The following XPOT variants were observed in gnomAD, a reference collection of about 807,000 sequenced individuals.
XPOT encodes exportin for tRNA.
In XPOT, 34 loss-of-function variants were observed where a neutral mutation model predicts 128.2. The ratio of observed to expected loss-of-function variants is 0.27; its 90% CI spans 0.20 to 0.35. XPOT has a LOEUF of 0.35. XPOT is among the 10% of genes least tolerant of loss of function. XPOT has a pLI of 1.00. For synonymous variants in XPOT, 348 were observed against 394.3 expected, an observed-to-expected ratio of 0.88 and a Z score of 1.39; for missense variants, 838 against 1,125.3, an observed-to-expected ratio of 0.74 and a Z score of 3.65.
In XPOT at chr12:64,420,235, T is replaced by A. The variant is rs750345516; in HGVS notation, c.655T>A (p.Ser219Thr). ...VGAYVSWIDL[S>T]LIANDRFINM... Reference sequence around the variant, plus strand: ...GGCTTATGTCTCTTGGATAGACTTATCCCTTATAGCCAATGATAGGTAAGT... The same window carrying A: ...GGCTTATGTCTCTTGGATAGACTTAACCCTTATAGCCAATGATAGGTAAGT... Residue 219 changes from serine (S) to threonine (T), a missense_variant, in exon 7 of 25, where the codon TCC becomes ACC. This residue lies in a region of XPOT where 761 missense variants were observed against 988.3 expected (regional missense o/e 0.77). Transcript: ENST00000332707. 1.0e-5 allele frequency: 16 copies of A among 1,602,240 alleles called. No individual in the cohort carries two copies. The East Asian group carries it at 3.6e-4, about 36-fold the overall frequency.
At chr12:64,445,984 C>T (rs2040364255) in intron 24 of XPOT, among the ~76,000 whole-genome samples, 1 of 152,202 alleles carries the variant, frequency 6.6e-6, no homozygotes, top group African/African-American at 2.4e-5. Flanking sequence ...GTTCTAACAT[C>T]TTCCCTTGTC....
chr12:64,421,343 G>T lies in XPOT; in HGVS notation c.952G>T (p.Ala318Ser), dbSNP rs2040136683. The T allele has an allele frequency of 6.2e-7, 1 of 1,613,852 alleles. No homozygotes were observed. Residue 318 changes from alanine (A) to serine (S), a missense_variant, in exon 9 of 25, where the codon GCT (alanine) becomes TCT (serine). Coordinates refer to ENST00000332707, the MANE Select transcript of XPOT (RefSeq NM_007235.6). ...KLIKNGDIKNAQEALQAIETK... is the reference protein window; with the variant it reads ...KLIKNGDIKNSQEALQAIETK... The stretch of plus-strand genomic sequence containing the variant: ...AATTAAGAATGGGGATATTAAGAAT[G>T]CTCAAGAGGCACTACAAGCTATTGA...
At chr12:64,432,831 T>C (rs1257180005) in intron 18 of XPOT, among the ~76,000 whole-genome samples, 6 of 152,216 alleles carry the variant, frequency 3.9e-5, no homozygotes, top group African/African-American at 1.4e-4. Flanking sequence ...TTTGAAAATA[T>C]TCCATGGCAA....
At chr12:64,439,858 G>A (rs1317222883) in intron 23 of XPOT, among the ~76,000 whole-genome samples, 2 of 152,178 alleles carry the variant, frequency 1.3e-5, no homozygotes, top group Non-Finnish European at 2.9e-5. Context: ...TTGTCCAGTA[G>A]TACATGGAGT....
chr12:64,431,679 T>G lies in XPOT; in HGVS notation c.2118T>G (p.Thr706=). The change falls in exon 18 of 25, where the codon ACT becomes ACG. Residue 706 remains threonine, a synonymous_variant. Coordinates refer to ENST00000332707, the MANE Select transcript of XPOT (RefSeq NM_007235.6). ...QKDILRSGVR[T]FLHRMIICLE... Reference sequence around the variant, plus strand: ...ATATTCTCAGAAGTGGAGTCCGTACTTTCCTTCATCGAATGATTATTTGCC... The same window carrying G: ...ATATTCTCAGAAGTGGAGTCCGTACGTTCCTTCATCGAATGATTATTTGCC... 6.2e-7 allele frequency: 1 copy of G among 1,614,002 alleles called. No homozygotes were observed. Among genetic ancestry groups the G allele is most frequent in the African/African-American group, 1.3e-5 (1 of 75,050 alleles).
rs770001589 is a variant in XPOT at position 64,423,018 on chromosome 12, C to T, written c.1094C>T (p.Ser365Leu). 5.6e-6 allele frequency: 9 copies of T among 1,613,198 alleles called. No individual in the cohort carries two copies. Among genetic ancestry groups the T allele is most frequent in the African/African-American group, 1.3e-5 (1 of 74,970 alleles). The change falls in exon 10 of 25, where the codon TCG becomes TTG. Residue 365 changes from serine to leucine, a missense_variant. By Grantham distance (145) the Ser-to-Leu change is moderately radical (BLOSUM62 -2). Around this residue, in one of 3 missense-constraint regions of XPOT, gnomAD observed 761 missense variants for 988.3 expected, o/e 0.77. Transcript: ENST00000332707. ...LHILKQLTVL[S>L]DQQKANVEAI... ...CCTTTTTAACAGCTTACAGTGCTCT[C>T]GGATCAGCAAAAAGCTAATGTAGAG...
At chr12:64,415,658 C>T (rs1299853324) in intron 3 of XPOT, among the ~76,000 whole-genome samples, 6 of 152,164 alleles carry the variant, frequency 3.9e-5, no homozygotes, top group African/African-American at 7.2e-5. Context: ...GGATTACAGG[C>T]GTGAGCCACC....
chr12:64,432,498 G>A (rs968453098), intron 18 of XPOT, among the ~76,000 whole-genome samples: 6 of 151,962 alleles, frequency 3.9e-5, no homozygotes, highest in Admixed American at 1.3e-4. Flanking sequence ...CTCCTGCCTC[G>A]GCCTCCATAA....
chr12:64,426,066 C>G (rs150284977), intron 15 of XPOT, among the ~76,000 whole-genome samples, 157 bp downstream of exon 15: 82 of 151,900 alleles, frequency 5.4e-4, no homozygotes, highest in South Asian at 1.0e-3. Context: ...GCCTATAATC[C>G]CAACACTCTG....
At chr12:64,445,918 G>C (rs569469246) in intron 24 of XPOT, among the ~76,000 whole-genome samples, 1 of 152,350 alleles carries the variant, frequency 6.6e-6, no homozygotes, top group African/African-American at 2.4e-5. Flanking sequence ...AGTAGAATTT[G>C]TAAGTCAGAG....
At chr12:64,440,301 C>T (rs953560899) in intron 23 of XPOT, among the ~76,000 whole-genome samples, 8 of 152,130 alleles carry the variant, frequency 5.3e-5, no homozygotes, top group Non-Finnish European at 8.8e-5. Context: ...GGCAGGATTT[C>T]GCAATTTTTT....
rs984043620 is a variant in XPOT at position 64,450,539 on chromosome 12, G to C, written c.*2408G>C. On this transcript the variant is annotated 3_prime_UTR_variant, in exon 25 of 25. Transcript: ENST00000332707. ...GATTTACATGTGTTTATAGAGCTAA[G>C]AGAAATCAGGGCATGGAAATTGAGT... The C allele has an allele frequency of 2.6e-5, 4 of 152,182 alleles. No homozygotes were observed. The highest frequency in any genetic ancestry group is 9.7e-5 in the African/African-American group (4 of 41,450). 9.4% of individuals were successfully genotyped at this position (152,182 alleles called of 1,614,324 possible). A position where few individuals can be genotyped will look rare whatever the true frequency, so the allele number is the denominator to read the frequency against.
At chr12:64,419,227 T>C (rs2040116648) in intron 6 of XPOT, 133 bp downstream of exon 6, 2 of 661,086 alleles carry the variant, frequency 3.0e-6, no homozygotes, top group East Asian at 3.0e-5. Flanking sequence ...TAAATTTACC[T>C]GATGTTTTGG....
intron 15 of XPOT, among the ~76,000 whole-genome samples, chr12:64,427,834 C>T (rs1190734910): frequency 6.6e-6 from 1 of 152,214 alleles, no homozygotes; most frequent in Non-Finnish European, 1.5e-5. Flanking sequence ...GAAAACTACT[C>T]CTTATTAGGT....
At position 64,425,025 on chromosome 12, in the gene XPOT, T is replaced by C. The variant is rs780493862; in HGVS notation, c.1308-13T>C. 2.3e-5 allele frequency: 37 copies of C among 1,612,060 alleles called. No homozygotes were observed. The highest frequency in any genetic ancestry group is 8.3e-5 in the Admixed American group (5 of 59,996). ...TTATCTTTAAATCTCACTGACATAT[T>C]ATACCTTGGTAGGAATTGGCAGACT... On this transcript the variant is annotated splice_polypyrimidine_tract_variant and intron_variant, in intron 12 of 24. Transcript: ENST00000332707.
At chr12:64,422,269 CAA>C (rs2040145412) in intron 9 of XPOT, among the ~76,000 whole-genome samples, 1 of 152,154 alleles carries the variant, frequency 6.6e-6, no homozygotes, top group Non-Finnish European at 1.5e-5. Flanking sequence ...TTAATTGAGT[CAA>C]GTCAAACTTA....
intron 19 of XPOT, 38 bp from the exon 20 acceptor site, chr12:64,434,469 T>G (rs1430797567): frequency 1.4e-6 from 2 of 1,467,090 alleles, no homozygotes; most frequent in Non-Finnish European, 1.9e-6. Context: ...TCCTAGTTAA[T>G]TTTGGAAATT....
At chr12:64,424,530 A>T (rs11175386) in intron 11 of XPOT, 69 bp from the exon 12 acceptor site, 244,822 of 1,570,778 alleles carry the variant, frequency 0.16, 19,982 homozygotes, top group Middle Eastern at 0.2. Flanking sequence ...GTATACATGT[A>T]GCCATGGTGG....
In XPOT at chr12:64,445,087, G is replaced by A. The variant is rs1301827960; in HGVS notation, c.2818G>A (p.Ala940Thr). 1.9e-6 allele frequency: 3 copies of A among 1,609,046 alleles called. No individual in the cohort carries two copies. Among genetic ancestry groups the A allele is most frequent in the South Asian group, 1.1e-5 (1 of 90,304 alleles). The change falls in exon 24 of 25, where the codon GCG becomes ACG. Residue 940 changes from alanine (A) to threonine (T), a missense_variant. Physicochemically the swap from Ala to Thr is moderately conservative, Grantham distance 58. Coordinates refer to ENST00000332707, the MANE Select transcript of XPOT (RefSeq NM_007235.6). ...APEIIQEFCQ[A>T]LQQPDAKVFK... ...CCCCACCCCCCAGGAGTTTTGTCAAGCGCTTCAGCAGCCTGATGCTAAAGT... is the reference window on the plus strand; with the variant it reads ...CCCCACCCCCCAGGAGTTTTGTCAAACGCTTCAGCAGCCTGATGCTAAAGT...
Sources: gnomAD v4.1 joint callset for allele counts (sites outside exome capture counted in the v4.1 genomes callset) on GRCh38, gnomAD v4.1.1 for gene constraint, gnomAD v4.1.1 regional missense constraint, MANE v1.5 for transcripts, NCBI Gene and HGNC (gene_info 2026-07-23, HGNC 2026-07-21) for gene names.